Variants in SEPTIN4 observed in about 807,000 individuals in gnomAD.
The protein encoded by SEPTIN4 is septin 4.
Under a neutral mutation model 107.1 loss-of-function variants are expected in SEPTIN4, and 52 were observed. The observed-to-expected ratio is 0.49, with a 90% CI of 0.39 to 0.61. SEPTIN4 has a LOEUF of 0.61. Ranked by LOEUF, SEPTIN4 falls within the 20% of genes least tolerant of loss-of-function variation. The probability of loss-of-function intolerance (pLI) is 0.00; values close to 1 mark genes in which losing one functional copy is unlikely to be tolerated. For missense variants in SEPTIN4, 1,048 were observed against 1,243.5 expected, an observed-to-expected ratio of 0.84 and a Z score of 2.36; for synonymous variants, 417 against 467.0, an observed-to-expected ratio of 0.89 and a Z score of 1.38.
At position 58,520,988 on chromosome 17, in the gene SEPTIN4, C is replaced by G; in HGVS notation, c.2831+10G>C. 1 of 1,613,880 alleles carries G rather than the reference C, an allele frequency of 6.2e-7. No homozygotes were observed. The highest frequency in any genetic ancestry group is 8.5e-7 in the Non-Finnish European group (1 of 1,179,990). On this transcript the variant is annotated intron_variant, in intron 12 of 13. Transcript: ENST00000672673. The stretch of plus-strand genomic sequence containing the variant: ...CCCCCTGCCAGCTTTGTCCTGGCTT[C>G]TGGTCATACTTGCGATTCCGTTCCT...
In SEPTIN4 at chr17:58,543,079, G is replaced by C. The variant is rs766068542; in HGVS notation, c.1108C>G (p.Pro370Ala). The part of the protein sequence containing the change: ...HKSSMFVTPE[P>A]IYKQQTQKPP... ...TTTTGGGTTTGCTGTTTATAGATGG[G>C]CTCTGGAGTAACAAACATGGATGAC... The change falls in exon 1 of 14, where the codon CCC (proline) becomes GCC (alanine). Residue 370 changes from proline to alanine, a missense_variant. Physicochemically the swap from Pro to Ala is conservative, Grantham distance 27 (BLOSUM62 -1). Coordinates refer to ENST00000672673, the MANE Select transcript of SEPTIN4 (RefSeq NM_001368771.2). 6.2e-7 allele frequency: 1 copy of C among 1,612,870 alleles called. No homozygotes were observed. Among genetic ancestry groups the C allele is most frequent in the South Asian group, 1.1e-5 (1 of 90,874 alleles).
intron 3 of SEPTIN4, among the ~76,000 whole-genome samples, chr17:58,537,570 G>A (rs2144242762): frequency 6.6e-6 from 1 of 152,258 alleles, no homozygotes; most frequent in Non-Finnish European, 1.5e-5. Flanking sequence ...GGTGACTCAT[G>A]CCTGTAATCC....
rs1259573578 is a variant in SEPTIN4, at chr17:58,543,360, G to C, written c.827C>G (p.Ser276Cys). The change falls in exon 1 of 14, where the codon TCT becomes TGT. Residue 276 changes from serine to cysteine, a missense_variant. This residue lies in a region of SEPTIN4 where 787 missense variants were observed against 871.8 expected (regional missense o/e 0.90). Transcript: ENST00000672673. ...TACACCATCAGAATCTTTAAGGACA[G>C]AGAGTTTGAGCAATGAGTCCAAGTT... ...NMNLDSLLKLSVLKDSDGVHR... is the reference protein window; with the variant it reads ...NMNLDSLLKLCVLKDSDGVHR... 6.2e-7 allele frequency: 1 copy of C among 1,614,106 alleles called. No homozygotes were observed. Among genetic ancestry groups the C allele is most frequent in the Non-Finnish European group, 8.5e-7 (1 of 1,180,048 alleles).
intron 3 of SEPTIN4, chr17:58,529,498 C>A (rs1465466429): frequency 1.6e-6 from 2 of 1,234,366 alleles, no homozygotes; most frequent in African/African-American, 3.1e-5. Flanking sequence ...CTGCTGCCTA[C>A]CCTGGTGGGC....
chr17:58,520,540 G>A, intron 13 of SEPTIN4, 55 bp from the exon 14 acceptor site: 1 of 1,602,040 alleles, frequency 6.2e-7, no homozygotes, highest in Non-Finnish European at 8.5e-7. Context: ...TTTAGTATTG[G>A]GAAAGTGCCC....
rs141099292 is a variant in SEPTIN4, at chr17:58,521,461, C to G, written c.2571+84G>C. Reference sequence around the variant, plus strand: ...TAGGAAGCCAGGGTCCTTTCCCACCCTGATAGCCTGAATATAGAATTCTAC... The same window carrying G: ...TAGGAAGCCAGGGTCCTTTCCCACCGTGATAGCCTGAATATAGAATTCTAC... On this transcript the variant is annotated intron_variant, in intron 10 of 13. Transcript: ENST00000672673. The surrounding 1 kb of genome is among the most constrained non-coding windows in gnomAD (Gnocchi z 6.4). 8.9e-6 allele frequency: 14 copies of G among 1,570,200 alleles called. No individual in the cohort carries two copies. The East Asian group carries it at 3.1e-4, about 35-fold the overall frequency.
At chr17:58,540,595 G>T in intron 3 of SEPTIN4, 71 bp downstream of exon 3, 1 of 1,236,104 alleles carries the variant, frequency 8.1e-7, no homozygotes, top group Non-Finnish European at 1.0e-6. Context: ...CCCATTACAG[G>T]ACAGGAGATG....
At chr17:58,533,475 T>C (rs1257068934) in intron 3 of SEPTIN4, among the ~76,000 whole-genome samples, 2 of 151,568 alleles carry the variant, frequency 1.3e-5, no homozygotes, top group African/African-American at 2.4e-5. Flanking sequence ...CTATAGGCCT[T>C]GGAGGAAGAT....
chr17:58,529,358 G>T, intron 3 of SEPTIN4: 1 of 1,464,026 alleles, frequency 6.8e-7, no homozygotes, highest in Non-Finnish European at 9.0e-7. Flanking sequence ...CCTGTGGAAT[G>T]TCCTTCCCCA....
intron 3 of SEPTIN4, among the ~76,000 whole-genome samples, chr17:58,536,407 A>G (rs920073095): frequency 6.6e-6 from 1 of 152,224 alleles, no homozygotes; most frequent in East Asian, 1.9e-4. Flanking sequence ...TAATAGGTGT[A>G]GAGAGATGGG....
chr17:58,525,834 A>C, intron 5 of SEPTIN4, 53 bp from the exon 6 acceptor site: 1 of 1,458,188 alleles, frequency 6.9e-7, no homozygotes, highest in Non-Finnish European at 9.6e-7. Flanking sequence ...TCTATAGCCA[A>C]AAAGCAACTC....
chr17:58,541,654 G>T, intron 2 of SEPTIN4: 1 of 942,770 alleles, frequency 1.1e-6, no homozygotes, highest in Non-Finnish European at 1.6e-6. Context: ...AGCTGAAAAG[G>T]CCATGAGGCT....
rs199542146 is a variant in SEPTIN4, at chr17:58,544,037, G to A, written c.150C>T (p.His50=). 6 of 1,614,054 alleles carry A rather than the reference G, an allele frequency of 3.7e-6. No homozygotes were observed. In the African/African-American group the frequency reaches 8.0e-5, roughly 22 times the overall value. ...TGGGATGTGCAGCTTCTGATCTTCG[G>A]TGGGAAGGGTTCAGGGAGACTGCAG... is the stretch of plus-strand genomic sequence containing the variant. The part of the protein sequence containing the change: ...RSAAVSLNPS[H]RRSEAAHPTT... Residue 50 remains histidine (H), a synonymous_variant, in exon 1 of 14, where the codon CAC becomes CAT. Transcript: ENST00000672673.
rs1336254555 is a variant in SEPTIN4, at chr17:58,544,319, T to C, written c.-133A>G. Reference sequence around the variant, plus strand: ...TGGGCTCCCACAAAAGTGGCTGTTGTTCTAAGAGTGTCTCAAATAATCCCC... The same window carrying C: ...TGGGCTCCCACAAAAGTGGCTGTTGCTCTAAGAGTGTCTCAAATAATCCCC... On this transcript the variant is annotated 5_prime_UTR_variant, in exon 1 of 14. Coordinates refer to ENST00000672673, the MANE Select transcript of SEPTIN4 (RefSeq NM_001368771.2). 1 of 1,256,026 alleles carries C rather than the reference T, an allele frequency of 8.0e-7. No individual in the cohort carries two copies. Among genetic ancestry groups the C allele is most frequent in the Non-Finnish European group, 1.1e-6 (1 of 914,266 alleles). The allele number at this position is 1,256,026 out of a possible 1,614,324, so 77.8% of individuals were successfully genotyped here. A position where few individuals can be genotyped will look rare whatever the true frequency, so the allele number is the denominator to read the frequency against.
At chr17:58,520,682 A>C in intron 13 of SEPTIN4, 61 bp downstream of exon 13, 1 of 1,601,830 alleles carries the variant, frequency 6.2e-7, no homozygotes, top group Non-Finnish European at 8.5e-7. Context: ...TTACCAAACA[A>C]AGAGATACCA....
Position 58,543,032 on chromosome 17 carries a change from C to T in SEPTIN4, c.1155G>A (p.Met385Ile), listed in dbSNP as rs772239790. Reference protein sequence around the residue: ...QTQKPPEITYMSQGPTPRYPE... With the variant: ...QTQKPPEITYISQGPTPRYPE... ...GATACCTGGGTGTAGGTCCTTGGGA[C>T]ATGTAAGTAATTTCTGGGGGTTTTT... The change falls in exon 1 of 14, where the codon ATG (methionine) becomes ATA (isoleucine). Residue 385 changes from methionine to isoleucine, a missense_variant. Physicochemically the swap from Met to Ile is conservative, Grantham distance 10. Coordinates refer to ENST00000672673, the MANE Select transcript of SEPTIN4 (RefSeq NM_001368771.2). The T allele has an allele frequency of 3.1e-6, 5 of 1,610,432 alleles. No individual in the cohort carries two copies. Among genetic ancestry groups the T allele is most frequent in the Non-Finnish European group, 4.2e-6 (5 of 1,178,568 alleles).
Position 58,521,392 on chromosome 17 carries a change from A to G in SEPTIN4, c.2572-42T>C, listed in dbSNP as rs1037974688. The G allele has an allele frequency of 1.4e-5, 23 of 1,597,172 alleles. No homozygotes were observed. The highest frequency in any genetic ancestry group is 1.9e-5 in the Non-Finnish European group (22 of 1,164,870). On this transcript the variant is annotated intron_variant, in intron 10 of 13. Transcript: ENST00000672673. This position sits in a 1 kb window ranked among gnomAD's most constrained non-coding sequence, Gnocchi z 6.4. ...GTGCCTGTCAGCACCCTCTGTTCTC[A>G]CCTCTTTCTTTCCACCTGTATCGTC...
At chr17:58,523,298 C>A (rs1291404163) in intron 7 of SEPTIN4, among the ~76,000 whole-genome samples, 7 of 150,638 alleles carry the variant, frequency 4.6e-5, no homozygotes, top group Non-Finnish European at 1.5e-5. Context: ...TAACCTGAGC[C>A]CGGGGAGCCC....
At position 58,520,888 on chromosome 17, in the gene SEPTIN4, C is replaced by T. The variant is rs757163345; in HGVS notation, c.2832-46G>A. ...ATAAGGCGAGGAGGACCCCAGCACC[C>T]GCTTAGATTGAGCCCAGGGCCTATA... On this transcript the variant is annotated intron_variant, in intron 12 of 13. Coordinates refer to ENST00000672673, the MANE Select transcript of SEPTIN4 (RefSeq NM_001368771.2). 281 of 1,613,486 alleles carry T rather than the reference C, an allele frequency of 1.7e-4. 1 individual carries two copies. The highest frequency in any genetic ancestry group is 2.3e-4 in the Non-Finnish European group (268 of 1,179,784).
Sources: allele counts gnomAD v4.1 joint callset (sites outside exome capture counted in the v4.1 genomes callset), GRCh38; gene constraint gnomAD v4.1.1; regional missense constraint gnomAD v4.1.1; non-coding constraint Gnocchi (gnomAD v3.1); transcripts MANE v1.5; gene names NCBI Gene and HGNC (gene_info 2026-07-23, HGNC 2026-07-21).